The following RBMS2 variants were observed in gnomAD, a reference collection of about 807,000 sequenced individuals.
RBMS2 encodes RNA binding motif single stranded interacting protein 2, also known as RNA-binding motif, single-stranded-interacting protein 2.
In RBMS2, 38 loss-of-function variants were observed where a neutral mutation model predicts 58.4. The ratio of observed to expected loss-of-function variants is 0.65; its 90% confidence interval spans 0.50 to 0.85. RBMS2 has a LOEUF of 0.85. Ranked by LOEUF, RBMS2 falls within the 40% of genes least tolerant of loss-of-function variation. The pLI is 0.00. For synonymous variants in RBMS2, 151 were observed against 180.7 expected (o/e 0.84, Z 1.32); for missense variants, 367 against 503.7 (o/e 0.73, Z 2.60).
intron 2 of RBMS2, 46 bp from the exon 3 acceptor site, chr12:56,568,929 A>G (rs758852363): frequency 1.4e-4 from 212 of 1,475,794 alleles, no homozygotes; most frequent in Non-Finnish European, 1.4e-4. Flanking sequence ...TCCTATTCTT[A>G]GTCTCTGCCC....
chr12:56,587,444 C>G, intron 10 of RBMS2, 110 bp from the exon 11 acceptor site: 6 of 1,177,892 alleles, frequency 5.1e-6, no homozygotes, highest in Non-Finnish European at 7.1e-6. Flanking sequence ...CTTACCATTT[C>G]CCAGGATTCT....
intron 1 of RBMS2, among the ~76,000 whole-genome samples, chr12:56,525,566 T>C (rs1255012333): frequency 1.3e-5 from 2 of 152,100 alleles, no homozygotes; most frequent in East Asian, 3.9e-4. Flanking sequence ...CTCTGCAGTC[T>C]GGGCTGGAGG....
intron 2 of RBMS2, among the ~76,000 whole-genome samples, chr12:56,566,766 C>T (rs1319646561): frequency 2.0e-5 from 3 of 151,538 alleles, no homozygotes; most frequent in Admixed American, 1.3e-4. Context: ...TGCAGCGAGC[C>T]GAGATCACGC....
At chr12:56,576,843 C>G (rs772734866) in intron 5 of RBMS2, among the ~76,000 whole-genome samples, 4 of 151,380 alleles carry the variant, frequency 2.6e-5, no homozygotes, top group Non-Finnish European at 1.5e-5. Flanking sequence ...GAATTTGAGA[C>G]CAGCCTGGCC....
intron 1 of RBMS2, among the ~76,000 whole-genome samples, chr12:56,553,949 C>T (rs1041621520): frequency 2.6e-5 from 4 of 151,790 alleles, no homozygotes; most frequent in East Asian, 3.9e-4. Context: ...CCCAGCCTCC[C>T]GAGTAGCTGG....
rs181463318 is a variant in RBMS2, at chr12:56,559,236, G to A, written c.67-3181G>A. On this transcript the variant is annotated intron_variant, in intron 1 of 13. Transcript: ENST00000262031. ...GCTCTGTTGCCCAGGCTGGAGTGCAGTGGCACAATCTCGGCTCACTGCAAG... is the reference window on the plus strand; with the variant it reads ...GCTCTGTTGCCCAGGCTGGAGTGCAATGGCACAATCTCGGCTCACTGCAAG... Among the ~76,000 whole-genome samples the A allele has an allele frequency of 7.5e-3, 1,132 of 151,896 alleles. 24 individuals are homozygous for A. Among genetic ancestry groups the A allele is most frequent in the African/African-American group, 0.026 (1,083 of 41,462 alleles).
chr12:56,551,907 G>A (rs537647804), intron 1 of RBMS2, among the ~76,000 whole-genome samples: 1 of 152,258 alleles, frequency 6.6e-6, no homozygotes, highest in South Asian at 2.1e-4. Context: ...GGCCAACATG[G>A]CAAAACCCAG....
At chr12:56,559,418 C>G (rs1879935095) in intron 1 of RBMS2, among the ~76,000 whole-genome samples, 2 of 151,238 alleles carry the variant, frequency 1.3e-5, no homozygotes, top group African/African-American at 4.9e-5. Flanking sequence ...CATCTCCTGA[C>G]CTCGTGATCT....
At chr12:56,574,414 G>C (rs910968785) in intron 5 of RBMS2, among the ~76,000 whole-genome samples, 19 of 152,148 alleles carry the variant, frequency 1.2e-4, no homozygotes, top group African/African-American at 4.3e-4. Flanking sequence ...ATTTGCTTTT[G>C]TCATAGCAAC....
chr12:56,522,827 A>G (rs975234345), intron 1 of RBMS2, among the ~76,000 whole-genome samples: 1 of 152,206 alleles, frequency 6.6e-6, no homozygotes, highest in Non-Finnish European at 1.5e-5. Flanking sequence ...AATCTTGTCC[A>G]TATTTGACAA....
At position 56,593,131 on chromosome 12, in the gene RBMS2, T is replaced by C. The variant is rs901516797; in HGVS notation, c.*3998T>C. 2 of 151,852 alleles carry C rather than the reference T, an allele frequency of 1.3e-5. No homozygotes were observed. The highest frequency in any genetic ancestry group is 1.9e-4 in the East Asian group (1 of 5,134). The allele number at this position is 151,852 out of a possible 1,614,324, so 9.4% of individuals were successfully genotyped here. ...GAGATGTTGTTTTTAATGTTTTTGG[T>C]TTTTTGGTTTTGTTGTTTTGTTTTT... On this transcript the variant is annotated 3_prime_UTR_variant, in exon 14 of 14. Transcript: ENST00000262031.
intron 2 of RBMS2, among the ~76,000 whole-genome samples, chr12:56,565,570 G>A (rs1031786763): frequency 1.8e-4 from 28 of 152,272 alleles, no homozygotes; most frequent in Admixed American, 3.3e-4. Flanking sequence ...ATCGAAGTAA[G>A]GAGCCCAAAA....
chr12:56,573,476 CAAAAAAAAA>C (rs71081382), intron 5 of RBMS2, among the ~76,000 whole-genome samples: 6 of 59,684 alleles, frequency 1.0e-4, no homozygotes, highest in African/African-American at 4.1e-4. Flanking sequence ...GACGCCATCT[CAAAAAAAAA>C]AAAAAAAAAA....
Position 56,593,208 on chromosome 12 carries a change from A to G in RBMS2, c.*4075A>G, listed in dbSNP as rs940314751. ...CAGGCTGGAGTGCAGTGGCACCATAATGGCTCACTGCAGCCTCGACCTCCC... is the reference window on the plus strand; with the variant it reads ...CAGGCTGGAGTGCAGTGGCACCATAGTGGCTCACTGCAGCCTCGACCTCCC... On this transcript the variant is annotated 3_prime_UTR_variant, in exon 14 of 14. Coordinates refer to ENST00000262031, the MANE Select transcript of RBMS2 (RefSeq NM_002898.4). The G allele has an allele frequency of 6.8e-6, 1 of 147,262 alleles. No individual in the cohort carries two copies. The highest frequency in any genetic ancestry group is 2.5e-5 in the African/African-American group (1 of 39,712). 9.1% of individuals were successfully genotyped at this position (147,262 alleles called of 1,614,324 possible). A position where few individuals can be genotyped will look rare whatever the true frequency, so the allele number is the denominator to read the frequency against.
intron 1 of RBMS2, among the ~76,000 whole-genome samples, chr12:56,552,704 T>C (rs150921621): frequency 1.3e-5 from 2 of 151,856 alleles, no homozygotes; most frequent in African/African-American, 4.8e-5. Context: ...TTAAAAAATG[T>C]AGTGGCAAGT....
chr12:56,583,331 C>T (rs1333068804), intron 9 of RBMS2, among the ~76,000 whole-genome samples: 1 of 152,204 alleles, frequency 6.6e-6, no homozygotes, highest in African/African-American at 2.4e-5. Flanking sequence ...CATTTCCTTC[C>T]AGGCATAGGT....
At chr12:56,582,901 C>A (rs896433354) in intron 9 of RBMS2, among the ~76,000 whole-genome samples, 1 of 152,022 alleles carries the variant, frequency 6.6e-6, no homozygotes, top group East Asian at 1.9e-4. Flanking sequence ...AACTCCTGAC[C>A]TCAGGTGATC....
chr12:56,586,907 C>T lies in RBMS2; in HGVS notation c.932C>T (p.Ser311Leu). 6.2e-7 allele frequency: 1 copy of T among 1,613,476 alleles called. No homozygotes were observed. The highest frequency in any genetic ancestry group is 1.1e-5 in the South Asian group (1 of 91,068). Residue 311 changes from serine to leucine, a missense_variant, in exon 10 of 14, where the codon TCA (serine) becomes TTA (leucine). Transcript: ENST00000262031. ...VPNPSWMHHH[S>L]YLMQPSGSVL... The stretch of plus-strand genomic sequence containing the variant: ...AACCCATCCTGGATGCACCACCATT[C>T]ATACCTCATGCAGCCTTCAGTGAGT...
chr12:56,521,730 C>CA (rs3837442), upstream of RBMS2, among the ~76,000 whole-genome samples: 5,285 of 149,952 alleles, frequency 0.035, 261 homozygotes, highest in African/African-American at 0.11. Context: ...GAAAAACAAA[C>CA]AAAAAAAAAC....
Sources: gnomAD v4.1 joint callset for allele counts (sites outside exome capture counted in the v4.1 genomes callset) on GRCh38, gnomAD v4.1.1 for gene constraint, MANE v1.5 for transcripts, NCBI Gene and HGNC (gene_info 2026-07-23, HGNC 2026-07-21) for gene names.